NOVA1: variants seen among roughly 807,000 people sequenced by gnomAD.
The protein encoded by NOVA1 is RNA-binding protein Nova-1.
Under a neutral mutation model 38.0 loss-of-function variants are expected in NOVA1, and 7 were observed. The observed-to-expected ratio is 0.18, with a 90% CI of 0.10 to 0.35. The LOEUF (loss-of-function observed/expected upper bound fraction) is 0.35, where lower values mean the gene tolerates loss of function less well. Among genes scored for constraint, NOVA1 ranks in the 10% least tolerant of loss-of-function variants. The probability of loss-of-function intolerance (pLI) is 1.00; values close to 1 mark genes in which losing one functional copy is unlikely to be tolerated. For synonymous variants in NOVA1, 270 were observed against 232.5 expected (o/e 1.16, Z -1.47); for missense variants, 460 against 616.0 (o/e 0.75, Z 2.68).
intron 2 of NOVA1, among the ~76,000 whole-genome samples, chr14:26,562,742 TA>T (rs1891901725): frequency 6.6e-6 from 1 of 152,142 alleles, no homozygotes; most frequent in Admixed American, 6.5e-5. Context: ...GAGGGAACTC[TA>T]AAAATCTATA....
chr14:26,449,593 AAT>A (rs909151737), intron 4 of NOVA1, among the ~76,000 whole-genome samples: 3 of 152,134 alleles, frequency 2.0e-5, no homozygotes, highest in East Asian at 1.9e-4. Flanking sequence ...ATAACTTCAT[AAT>A]AGTTATTTCT....
chr14:26,572,059 C>T (rs1327833852), intron 2 of NOVA1, among the ~76,000 whole-genome samples: 1 of 152,094 alleles, frequency 6.6e-6, no homozygotes, highest in African/African-American at 2.4e-5. Context: ...TATCATATTA[C>T]CCTGTACTAA....
chr14:26,595,375 A>G (rs1894123538), intron 2 of NOVA1, 35 bp downstream of exon 2: 1 of 1,596,732 alleles, frequency 6.3e-7, no homozygotes, highest in Non-Finnish European at 8.5e-7. Flanking sequence ...TCCTGTGGGG[A>G]GCTCATCAAA....
At chr14:26,571,807 T>A (rs561938821) in intron 2 of NOVA1, among the ~76,000 whole-genome samples, 5 of 152,346 alleles carry the variant, frequency 3.3e-5, no homozygotes, top group Non-Finnish European at 7.3e-5. Context: ...AGAATATTAT[T>A]ACAAGCCTAG....
At chr14:26,515,683 G>A (rs917167598) in intron 2 of NOVA1, among the ~76,000 whole-genome samples, 4 of 151,844 alleles carry the variant, frequency 2.6e-5, no homozygotes, top group Non-Finnish European at 5.9e-5. Flanking sequence ...TAAAGAAAAA[G>A]GATGAAAGGA....
At chr14:26,500,234 ATTC>A (rs1887149576) in intron 2 of NOVA1, among the ~76,000 whole-genome samples, 1 of 152,082 alleles carries the variant, frequency 6.6e-6, no homozygotes, top group South Asian at 2.1e-4. Flanking sequence ...ACATATTCAT[ATTC>A]TTATCTTTAC....
chr14:26,532,638 G>A (rs1427335274), intron 2 of NOVA1, among the ~76,000 whole-genome samples: 3 of 152,144 alleles, frequency 2.0e-5, no homozygotes, highest in Non-Finnish European at 1.5e-5. Context: ...GGTGGCAGTT[G>A]CATGAGCTTG....
At chr14:26,580,626 C>T (rs1375211024) in intron 2 of NOVA1, among the ~76,000 whole-genome samples, 1 of 151,846 alleles carries the variant, frequency 6.6e-6, no homozygotes, top group Non-Finnish European at 1.5e-5. Flanking sequence ...AGGTGGTTTG[C>T]GGAAAACTCA....
chr14:26,546,843 C>T (rs967941327), intron 2 of NOVA1, among the ~76,000 whole-genome samples: 2 of 152,028 alleles, frequency 1.3e-5, no homozygotes, highest in South Asian at 2.1e-4. Flanking sequence ...CATGGTGAAA[C>T]CCCATCTCTA....
At chr14:26,592,685 T>A (rs2138817607) in intron 2 of NOVA1, 1 of 151,782 alleles carries the variant, frequency 6.6e-6, no homozygotes, top group South Asian at 2.1e-4. Flanking sequence ...ACCATAATTT[T>A]AAAAATTACT....
chr14:26,582,696 A>G (rs1023198057), intron 2 of NOVA1, among the ~76,000 whole-genome samples: 2 of 151,824 alleles, frequency 1.3e-5, no homozygotes, highest in Non-Finnish European at 3.0e-5. Context: ...TAATCTTGAC[A>G]AACTTCAGAT....
chr14:26,515,128 C>T (rs1484548375), intron 2 of NOVA1, among the ~76,000 whole-genome samples: 2 of 151,814 alleles, frequency 1.3e-5, no homozygotes, highest in Non-Finnish European at 2.9e-5. Context: ...CTATATTGAA[C>T]CATGAAAACT....
intron 2 of NOVA1, among the ~76,000 whole-genome samples, chr14:26,590,807 C>A (rs537161341): frequency 6.6e-6 from 1 of 151,818 alleles, no homozygotes; most frequent in Admixed American, 6.6e-5. Flanking sequence ...TACAGTGACA[C>A]AAATTTTAAA....
At chr14:26,470,804 T>G (rs1884527667) in intron 4 of NOVA1, among the ~76,000 whole-genome samples, 1 of 152,124 alleles carries the variant, frequency 6.6e-6, no homozygotes, top group Non-Finnish European at 1.5e-5. Context: ...TTTTTTACCT[T>G]GAGAAAAATC....
At chr14:26,452,390 GA>G (rs1333642920) in intron 4 of NOVA1, among the ~76,000 whole-genome samples, 1 of 152,100 alleles carries the variant, frequency 6.6e-6, no homozygotes, top group Non-Finnish European at 1.5e-5. Context: ...AAGTGAGAGA[GA>G]AAAACATGGA....
chr14:26,569,268 A>C (rs894641628), intron 2 of NOVA1, among the ~76,000 whole-genome samples: 2 of 152,206 alleles, frequency 1.3e-5, no homozygotes, highest in Admixed American at 1.3e-4. Context: ...GTCAAACAGC[A>C]CTTCTAGATT....
chr14:26,556,404 T>C (rs1169045792), intron 2 of NOVA1, among the ~76,000 whole-genome samples: 3 of 152,182 alleles, frequency 2.0e-5, no homozygotes, highest in Non-Finnish European at 4.4e-5. Context: ...ACCGCAATGA[T>C]AGTTTGTTTC....
At chr14:26,509,969 C>T (rs917203850) in intron 2 of NOVA1, among the ~76,000 whole-genome samples, 3 of 152,090 alleles carry the variant, frequency 2.0e-5, no homozygotes, top group Admixed American at 2.0e-4. Context: ...CATGAGCCAC[C>T]GCGCCTGGCC....
In NOVA1 at chr14:26,444,163, AG is replaced by A. The variant is rs202032892; in HGVS notation, c.*3795del. 1.3e-5 allele frequency: 2 copies of A among 152,262 alleles called. No homozygotes were observed. The highest frequency in any genetic ancestry group is 3.9e-4 in the East Asian group (2 of 5,184). 9.4% of individuals were successfully genotyped at this position (152,262 alleles called of 1,614,324 possible). On this transcript the variant is annotated 3_prime_UTR_variant, in exon 5 of 5. Coordinates refer to ENST00000539517, the MANE Select transcript of NOVA1 (RefSeq NM_002515.3). ...ACCATTAAAATTTCCAAGGAAACAT[AG>A]GGCCTGTAACGTAGGGATTCCATTC...
Sources: allele counts gnomAD v4.1 joint callset (sites outside exome capture counted in the v4.1 genomes callset), GRCh38; gene constraint gnomAD v4.1.1; transcripts MANE v1.5; gene names NCBI Gene and HGNC (gene_info 2026-07-23, HGNC 2026-07-21).